PCDHA5: variants seen among roughly 807,000 people sequenced by gnomAD.
The protein encoded by PCDHA5 is protocadherin alpha 5.
Under a neutral mutation model 61.6 loss-of-function variants are expected in PCDHA5, and 43 were observed. The ratio of observed to expected loss-of-function variants is 0.70; its 90% CI spans 0.55 to 0.90. The LOEUF (loss-of-function observed/expected upper bound fraction) is 0.90. Among genes scored for constraint, PCDHA5 ranks in the 40% least tolerant of loss-of-function variants. The probability of loss-of-function intolerance (pLI) is 0.00; values close to 1 mark genes in which losing one functional copy is unlikely to be tolerated. For synonymous variants in PCDHA5, 627 were observed against 543.9 expected (o/e 1.15, Z -2.13); for missense variants, 1,298 against 1,222.7 (o/e 1.06, Z -0.92).
intron 1 of PCDHA5, chr5:140,837,222 G>A (rs1385766412): frequency 1.3e-5 from 2 of 152,114 alleles, no homozygotes; most frequent in Admixed American, 6.6e-5. Context: ...TGAATTTTAA[G>A]CATTTCTTTT....
chr5:140,996,136 C>A (rs1484642740), intron 3 of PCDHA5, among the ~76,000 whole-genome samples: 1 of 152,104 alleles, frequency 6.6e-6, no homozygotes, highest in African/African-American at 2.4e-5. Context: ...GAGGGTTCTC[C>A]CATTATCTTG....
In PCDHA5 at chr5:140,875,574, C is replaced by T. The variant is rs368911944; in HGVS notation, c.2352+51447C>T. On this transcript the variant is annotated intron_variant, in intron 1 of 3. Coordinates refer to ENST00000529859, the MANE Select transcript of PCDHA5 (RefSeq NM_018908.3). ...TGGGGAGCGGCCAGCTCCACTACTC[C>T]GTCTACGAGGAGGCCAAACACGGCA... 7 of 1,613,978 alleles carry T rather than the reference C, an allele frequency of 4.3e-6. No homozygotes were observed. The African/African-American group carries it at 9.3e-5, about 22-fold the overall frequency.
At chr5:140,986,828 G>C (rs1001117075) in intron 3 of PCDHA5, among the ~76,000 whole-genome samples, 2 of 152,146 alleles carry the variant, frequency 1.3e-5, no homozygotes, top group African/African-American at 2.4e-5. Flanking sequence ...TTTAGACAAT[G>C]GTTCTCAAAG....
intron 1 of PCDHA5, chr5:140,861,365 G>T (rs2046879866): frequency 2.8e-6 from 1 of 359,244 alleles, no homozygotes; most frequent in Non-Finnish European, 5.7e-6. Context: ...GCGTCTTCGC[G>T]GTCCCTATTG....
chr5:140,845,764 A>C lies in PCDHA5; in HGVS notation c.2352+21637A>C, dbSNP rs2150380946. 2.6e-4 allele frequency among the ~76,000 whole-genome samples: 39 copies of C among 149,790 alleles called. 2 individuals carry two copies. Among genetic ancestry groups the C allele is most frequent in the African/African-American group, 9.3e-4 (38 of 40,978 alleles). ...TAGATTTATTTGTATCAAGTAAGTT[A>C]ATAGTTATAAATTATTAATAATAAA... On this transcript the variant is annotated intron_variant, in intron 1 of 3. Transcript: ENST00000529859.
At chr5:140,929,231 T>G in intron 1 of PCDHA5, 2 of 1,613,886 alleles carry the variant, frequency 1.2e-6, no homozygotes, top group Non-Finnish European at 1.7e-6. Context: ...GCTGCCGACC[T>G]GCGAAATCTT....
chr5:140,849,276 G>A, intron 1 of PCDHA5: 1 of 1,173,354 alleles, frequency 8.5e-7, no homozygotes, highest in Admixed American at 2.6e-5. Flanking sequence ...CGGAACGCTG[G>A]TGATTCACCC....
intron 2 of PCDHA5, among the ~76,000 whole-genome samples, chr5:140,979,916 A>C (rs369427870): frequency 4.1e-4 from 63 of 152,376 alleles, no homozygotes; most frequent in African/African-American, 1.4e-3. Context: ...CGTAAAGAGA[A>C]AGCCTACAAA....
At position 140,933,976 on chromosome 5, in the gene PCDHA5, A is replaced by G. The variant is rs1359426492; in HGVS notation, c.2353-44973A>G. ...ATCTGTAGTGATGTTTCCCTTTTCA[A>G]TCCTGGTGTTAGTGTCACCTCTCAT... On this transcript the variant is annotated intron_variant, in intron 1 of 3. Coordinates refer to ENST00000529859, the MANE Select transcript of PCDHA5 (RefSeq NM_018908.3). Among the ~76,000 whole-genome samples, 3 of 151,666 alleles carry G rather than the reference A, an allele frequency of 2.0e-5. No homozygotes were observed. The East Asian group carries it at 5.8e-4, about 29-fold the overall frequency.
At chr5:140,850,781 G>C (rs2150498025) in intron 1 of PCDHA5, 2 of 1,598,096 alleles carry the variant, frequency 1.3e-6, no homozygotes, top group African/African-American at 2.7e-5. Context: ...GCTCTGGCGA[G>C]GGTAAGCAGA....
At chr5:141,005,574 T>C (rs567844252) in intron 3 of PCDHA5, among the ~76,000 whole-genome samples, 58 of 150,842 alleles carry the variant, frequency 3.8e-4, no homozygotes, top group Non-Finnish European at 7.5e-4. Flanking sequence ...TGGTGGCGCG[T>C]GCCTGTAGTC....
chr5:140,858,822 T>C (rs1334522952), intron 1 of PCDHA5: 2 of 340,086 alleles, frequency 5.9e-6, no homozygotes, highest in Non-Finnish European at 1.1e-5. Context: ...TGATTGTATT[T>C]GCATTACCAA....
chr5:140,990,611 G>T lies in PCDHA5; in HGVS notation c.2500+8048G>T, dbSNP rs577900189. ...AATCACCTGGAGTCAGATGAATACCGTAAAGGTCTGTGGTAAGACTAGAAG... is the reference window on the plus strand; with the variant it reads ...AATCACCTGGAGTCAGATGAATACCTTAAAGGTCTGTGGTAAGACTAGAAG... On this transcript the variant is annotated intron_variant, in intron 3 of 3. Transcript: ENST00000529859. 5.3e-5 allele frequency among the ~76,000 whole-genome samples: 8 copies of T among 152,230 alleles called. No homozygotes were observed. In the East Asian group the frequency reaches 9.6e-4, roughly 18 times the overall value.
chr5:140,967,907 A>C (rs1311525554), intron 1 of PCDHA5: 1 of 1,614,180 alleles, frequency 6.2e-7, no homozygotes, highest in Non-Finnish European at 8.5e-7. Flanking sequence ...TGCTACACCC[A>C]ACACCATTGT....
chr5:140,928,659 C>T (rs782522131), intron 1 of PCDHA5: 2 of 1,614,080 alleles, frequency 1.2e-6, no homozygotes, highest in African/African-American at 2.7e-5. Context: ...AGGATGCTGA[C>T]AGTGGTTCTA....
chr5:140,835,906 T>G (rs2150248059), intron 1 of PCDHA5: 2 of 1,612,190 alleles, frequency 1.2e-6, no homozygotes, highest in Admixed American at 1.7e-5. Flanking sequence ...TCGAGCTACG[T>G]GTCAGTGCAC....
At chr5:140,969,120 G>T (rs1333559202) in intron 1 of PCDHA5, 1 of 1,613,970 alleles carries the variant, frequency 6.2e-7, no homozygotes, top group Non-Finnish European at 8.5e-7. Flanking sequence ...CGAGGGAATG[G>T]CTCCCTCACC....
rs139745274 is a variant in PCDHA5, at chr5:140,994,788, C to T, written c.2500+12225C>T. On this transcript the variant is annotated intron_variant, in intron 3 of 3. Coordinates refer to ENST00000529859, the MANE Select transcript of PCDHA5 (RefSeq NM_018908.3). ...AGAATTCCAGGCAAAGGAAACAATG[C>T]GTGCATGCAAAAACAAAATACAAAA... Among the ~76,000 whole-genome samples, 132 of 152,194 alleles carry T rather than the reference C, an allele frequency of 8.7e-4. 2 individuals carry two copies. The East Asian group carries it at 0.024, about 28-fold the overall frequency.
At chr5:140,914,615 A>G (rs573524299) in intron 1 of PCDHA5, among the ~76,000 whole-genome samples, 12 of 151,836 alleles carry the variant, frequency 7.9e-5, no homozygotes, top group African/African-American at 2.9e-4. Context: ...GCCATTTTGT[A>G]ATTTGTTTTC....
Sources: allele counts gnomAD v4.1 joint callset (sites outside exome capture counted in the v4.1 genomes callset), GRCh38; gene constraint gnomAD v4.1.1; transcripts MANE v1.5; gene names NCBI Gene and HGNC (gene_info 2026-07-23, HGNC 2026-07-21).